The following SLC39A10 variants were observed in gnomAD, a reference collection of about 807,000 sequenced individuals.
The protein encoded by SLC39A10 is solute carrier family 39 member 10, also known as zinc transporter ZIP10.
In SLC39A10, 13 loss-of-function variants were observed where a neutral mutation model predicts 65.1. The ratio of observed to expected loss-of-function variants is 0.20; its 90% CI spans 0.13 to 0.32. The LOEUF (loss-of-function observed/expected upper bound fraction) is 0.32, where lower values mean the gene tolerates loss of function less well. Among genes scored for constraint, SLC39A10 ranks in the 10% least tolerant of loss-of-function variants. SLC39A10 has a pLI of 1.00. For missense variants in SLC39A10, 831 were observed against 1,018.4 expected (o/e 0.82, Z 2.50); for synonymous variants, 321 against 342.2 (o/e 0.94, Z 0.68).
intron 9 of SLC39A10, among the ~76,000 whole-genome samples, chr2:195,730,655 G>T (rs1231521898): frequency 6.6e-6 from 1 of 152,082 alleles, no homozygotes; most frequent in Non-Finnish European, 1.5e-5. Flanking sequence ...TTAAATATTT[G>T]TTGGCTGATG....
chr2:195,722,960 T>C (rs1043259241), intron 8 of SLC39A10, among the ~76,000 whole-genome samples: 17 of 152,216 alleles, frequency 1.1e-4, no homozygotes, highest in Admixed American at 6.5e-5. Context: ...GTATATTCAC[T>C]GAGACACAGA....
intron 7 of SLC39A10, chr2:195,717,299 T>C (rs1691851787): frequency 7.4e-6 from 2 of 268,704 alleles, no homozygotes; most frequent in Admixed American, 5.0e-5. Context: ...TTCAAATGTA[T>C]TTACATATCC....
chr2:195,725,636 T>G (rs995620246), intron 8 of SLC39A10, among the ~76,000 whole-genome samples: 7 of 152,188 alleles, frequency 4.6e-5, no homozygotes, highest in African/African-American at 1.7e-4. Flanking sequence ...TGAAAACTTA[T>G]GTTGACATAA....
intron 3 of SLC39A10, among the ~76,000 whole-genome samples, chr2:195,696,157 C>T (rs757138726): frequency 3.3e-5 from 5 of 152,082 alleles, no homozygotes; most frequent in East Asian, 3.9e-4. Flanking sequence ...GTTTTTATGC[C>T]GTTACTGAAC....
intron 2 of SLC39A10, among the ~76,000 whole-genome samples, chr2:195,617,403 A>C (rs1688238661): frequency 6.6e-6 from 1 of 152,010 alleles, no homozygotes; most frequent in Non-Finnish European, 1.5e-5. Flanking sequence ...TCTACTAAAA[A>C]CAGAAAAAAT....
chr2:195,731,167 A>G (rs888986852), intron 9 of SLC39A10, among the ~76,000 whole-genome samples: 1 of 152,098 alleles, frequency 6.6e-6, no homozygotes, highest in African/African-American at 2.4e-5. Flanking sequence ...TTGACTTGCA[A>G]AGTTTTTCAT....
At chr2:195,656,000 A>G (rs1689136795), upstream of SLC39A10, among the ~76,000 whole-genome samples, 1 of 152,164 alleles carries the variant, frequency 6.6e-6, no homozygotes, top group African/African-American at 2.4e-5. Flanking sequence ...ATACCAGGCA[A>G]GTTAAAGTCT....
At position 195,737,470 on chromosome 2, in the gene SLC39A10, T is replaced by A. The variant is rs1202257865; in HGVS notation, c.*2429T>A. 1 of 160,912 alleles carries A rather than the reference T, an allele frequency of 6.2e-6. No homozygotes were observed. The highest frequency in any genetic ancestry group is 1.4e-5 in the Non-Finnish European group (1 of 72,888). 10.0% of individuals were successfully genotyped at this position (160,912 alleles called of 1,614,324 possible). A position where few individuals can be genotyped will look rare whatever the true frequency, so the allele number is the denominator to read the frequency against. On this transcript the variant is annotated 3_prime_UTR_variant, in exon 10 of 10. Coordinates refer to ENST00000359634, the MANE Select transcript of SLC39A10 (RefSeq NM_020342.3). ...TAGATGCAGTGTGAATTTTTTCCAT[T>A]AACAAACAAACAAGTCAGTGGCTTA... is the stretch of plus-strand genomic sequence containing the variant.
At chr2:195,727,370 A>G (rs1327987706) in intron 8 of SLC39A10, among the ~76,000 whole-genome samples, 1 of 152,176 alleles carries the variant, frequency 6.6e-6, no homozygotes, top group Non-Finnish European at 1.5e-5. Context: ...GTATGGCTTA[A>G]TAAGAACCTG....
intron 8 of SLC39A10, among the ~76,000 whole-genome samples, chr2:195,725,954 A>T (rs1479722014): frequency 6.6e-6 from 1 of 152,138 alleles, no homozygotes; most frequent in Non-Finnish European, 1.5e-5. Context: ...CAAGTGGCCT[A>T]AAAAAATTTT....
intron 7 of SLC39A10, 98 bp from the exon 8 acceptor site, chr2:195,718,154 T>G: frequency 1.1e-6 from 1 of 930,058 alleles, no homozygotes; most frequent in Non-Finnish European, 1.7e-6. Flanking sequence ...GTTAAGAAAT[T>G]AATTTAGATA....
chr2:195,678,166 C>G (rs966927362), intron 1 of SLC39A10, among the ~76,000 whole-genome samples: 3 of 152,174 alleles, frequency 2.0e-5, no homozygotes, highest in Non-Finnish European at 4.4e-5. Context: ...AGTACATAGG[C>G]TTACATTCAG....
intron 1 of SLC39A10, among the ~76,000 whole-genome samples, chr2:195,664,255 G>A (rs1689543391): frequency 6.6e-6 from 1 of 152,006 alleles, no homozygotes; most frequent in African/African-American, 2.4e-5. Flanking sequence ...ACTGATATGT[G>A]TGTGAAAGTG....
chr2:195,615,189 T>C (rs1032284266), intron 2 of SLC39A10, among the ~76,000 whole-genome samples: 1 of 152,146 alleles, frequency 6.6e-6, no homozygotes, highest in African/African-American at 2.4e-5. Flanking sequence ...CAAACTGTAG[T>C]GTAGGTGAGA....
intron 8 of SLC39A10, among the ~76,000 whole-genome samples, chr2:195,718,541 T>A (rs1691901908): frequency 1.3e-5 from 2 of 152,320 alleles, no homozygotes; most frequent in Non-Finnish European, 2.9e-5. Flanking sequence ...TGTGGTTTCC[T>A]TTGCATTCAA....
At position 195,713,486 on chromosome 2, in the gene SLC39A10, A is replaced by C; in HGVS notation, c.1629A>C (p.Arg543Ser). ...KQNTEESTIG[R>S]KLSDHKLNNT... ...ACACAGAAGAATCAACTATTGGAAG[A>C]AAGCTTTCAGATCACAAGTTAAACA... The change falls in exon 6 of 10, where the codon AGA becomes AGC. Residue 543 changes from arginine to serine, a missense_variant. Physicochemically the swap from Arg to Ser is moderately radical, Grantham distance 110 (BLOSUM62 -1). Coordinates refer to ENST00000359634, the MANE Select transcript of SLC39A10 (RefSeq NM_020342.3). The C allele has an allele frequency of 6.3e-7, 1 of 1,585,564 alleles. No individual in the cohort carries two copies. Among genetic ancestry groups the C allele is most frequent in the South Asian group, 1.2e-5 (1 of 84,412 alleles).
chr2:195,651,946 C>A (rs1419315753), upstream of SLC39A10, among the ~76,000 whole-genome samples: 1 of 152,134 alleles, frequency 6.6e-6, no homozygotes, highest in Admixed American at 6.6e-5. Context: ...ACATGAGTGA[C>A]CAATGGCCTG....
intron 3 of SLC39A10, among the ~76,000 whole-genome samples, chr2:195,695,398 A>G (rs888542334): frequency 6.6e-6 from 1 of 152,156 alleles, no homozygotes; most frequent in African/African-American, 2.4e-5. Flanking sequence ...TGGCAGTCAC[A>G]GGCCTCACCA....
chr2:195,666,526 A>G (rs1689643320), intron 1 of SLC39A10, among the ~76,000 whole-genome samples: 1 of 152,170 alleles, frequency 6.6e-6, no homozygotes, highest in Admixed American at 6.5e-5. Flanking sequence ...TGGTACGATC[A>G]CAGCTCACTG....
Sources: gnomAD v4.1 joint callset for allele counts (sites outside exome capture counted in the v4.1 genomes callset) on GRCh38, gnomAD v4.1.1 for gene constraint, MANE v1.5 for transcripts, NCBI Gene and HGNC (gene_info 2026-07-23, HGNC 2026-07-21) for gene names.